Variants in CMAS observed in about 807,000 individuals in gnomAD.
CMAS encodes cytidine monophosphate N-acetylneuraminic acid synthetase.
A neutral mutation model predicts 53.4 loss-of-function variants in CMAS; 21 were observed. The observed-to-expected ratio is 0.39, with a 90% CI of 0.28 to 0.57. The LOEUF (loss-of-function observed/expected upper bound fraction) is 0.57, where lower values mean the gene tolerates loss of function less well. CMAS is among the 20% of genes least tolerant of loss of function. The pLI is 0.56. For synonymous variants in CMAS, 189 were observed against 195.2 expected (o/e 0.97, Z 0.27); for missense variants, 384 against 534.9 (o/e 0.72, Z 2.78).
At chr12:22,055,422 A>T (rs1194940659) in intron 2 of CMAS, 33 bp from the exon 3 acceptor site, 7 of 1,537,458 alleles carry the variant, frequency 4.6e-6, no homozygotes, top group Non-Finnish European at 5.2e-6. Flanking sequence ...CTTTTTTTTT[A>T]AATATCCTTT....
intron 1 of CMAS, among the ~76,000 whole-genome samples, chr12:22,048,647 T>G (rs1484633161): frequency 6.6e-6 from 1 of 152,166 alleles, no homozygotes; most frequent in Non-Finnish European, 1.5e-5. Context: ...TTTTGAGATG[T>G]AAATCTACCA....
chr12:22,050,257 C>G (rs1298618994), intron 1 of CMAS, among the ~76,000 whole-genome samples: 2 of 152,216 alleles, frequency 1.3e-5, no homozygotes, highest in Admixed American at 1.3e-4. Flanking sequence ...CATGTGTTAA[C>G]TGTGCAAACT....
At chr12:22,050,392 G>T (rs1565528975) in intron 1 of CMAS, among the ~76,000 whole-genome samples, 2 of 152,140 alleles carry the variant, frequency 1.3e-5, no homozygotes, top group South Asian at 2.1e-4. Context: ...TTAGAATAGT[G>T]CCTGGCACAT....
chr12:22,059,660 A>G (rs568358584), intron 4 of CMAS, among the ~76,000 whole-genome samples: 5 of 152,212 alleles, frequency 3.3e-5, no homozygotes, highest in Non-Finnish European at 7.3e-5. Context: ...CTTCTGGTCA[A>G]TGTGTAGGCA....
intron 3 of CMAS, among the ~76,000 whole-genome samples, chr12:22,057,642 A>G (rs1196694572): frequency 1.3e-5 from 2 of 152,138 alleles, no homozygotes; most frequent in African/African-American, 4.8e-5. Flanking sequence ...TAGGTATTTT[A>G]TGACAAATTC....
At chr12:22,049,688 G>A (rs150903165) in intron 1 of CMAS, among the ~76,000 whole-genome samples, 43 of 152,240 alleles carry the variant, frequency 2.8e-4, no homozygotes, top group African/African-American at 9.9e-4. Context: ...GAAGGCAGGC[G>A]GAGGCCAGGA....
At chr12:22,061,661 T>C (rs1409178786) in intron 6 of CMAS, among the ~76,000 whole-genome samples, 2 of 152,176 alleles carry the variant, frequency 1.3e-5, no homozygotes, top group East Asian at 1.9e-4. Flanking sequence ...TTCTTGTTTA[T>C]TCAGTAAATA....
At chr12:22,056,292 A>G (rs1263559560) in intron 3 of CMAS, among the ~76,000 whole-genome samples, 4 of 152,176 alleles carry the variant, frequency 2.6e-5, no homozygotes, top group Admixed American at 2.6e-4. Context: ...AGTCACTTAC[A>G]GTTCTGTAAT....
At position 22,046,467 on chromosome 12, in the gene CMAS, G is replaced by A; in HGVS notation, c.164G>A (p.Ser55Asn). ...GCCCTAATTCTGGCCCGGGGAGGCAGCAAAGGCATCCCCCTGAAGAACATT... is the reference window on the plus strand; with the variant it reads ...GCCCTAATTCTGGCCCGGGGAGGCAACAAAGGCATCCCCCTGAAGAACATT... Reference protein sequence around the residue: ...LAALILARGGSKGIPLKNIKH... With the variant: ...LAALILARGGNKGIPLKNIKH... Residue 55 changes from serine to asparagine, a missense_variant, in exon 1 of 8, where the codon AGC becomes AAC. Physicochemically the swap from Ser to Asn is conservative, Grantham distance 46 (BLOSUM62 1). This residue lies in a region of CMAS where 111 missense variants were observed against 132.2 expected (regional missense o/e 0.84). Transcript: ENST00000229329. 1 of 1,610,296 alleles carries A rather than the reference G, an allele frequency of 6.2e-7. No individual in the cohort carries two copies. The highest frequency in any genetic ancestry group is 8.5e-7 in the Non-Finnish European group (1 of 1,178,686).
At chr12:22,055,113 T>C in intron 1 of CMAS, 36 bp from the exon 2 acceptor site, 3 of 1,530,404 alleles carry the variant, frequency 2.0e-6, no homozygotes, top group Admixed American at 2.1e-5. Context: ...TGATTTCTTT[T>C]GATTTGGCTG....
intron 4 of CMAS, among the ~76,000 whole-genome samples, chr12:22,058,950 G>A (rs1224286809): frequency 6.6e-6 from 1 of 151,844 alleles, no homozygotes; most frequent in African/African-American, 2.4e-5. Flanking sequence ...ATCAAGTACT[G>A]GGTGTCTACA....
rs1226031961 is a variant in CMAS at position 22,055,504 on chromosome 12, T to G, written c.453T>G (p.Pro151=). ...NIQATSPCLH[P]TDLQKVAEMI... ...AAGCTACTTCTCCATGTTTACATCC[T>G]ACTGATCTTCAAAAAGTTGCAGAAA... is the stretch of plus-strand genomic sequence containing the variant. Residue 151 remains proline, a synonymous_variant, in exon 3 of 8, where the codon CCT becomes CCG. Coordinates refer to ENST00000229329, the MANE Select transcript of CMAS (RefSeq NM_018686.6). 1 of 1,612,442 alleles carries G rather than the reference T, an allele frequency of 6.2e-7. No homozygotes were observed. Among genetic ancestry groups the G allele is most frequent in the Admixed American group, 1.7e-5 (1 of 59,820 alleles).
chr12:22,053,404 T>C (rs1164479103), intron 1 of CMAS, among the ~76,000 whole-genome samples: 4 of 147,252 alleles, frequency 2.7e-5, no homozygotes, highest in African/African-American at 5.3e-5. Flanking sequence ...CACACACATA[T>C]ACACATTATA....
intron 4 of CMAS, among the ~76,000 whole-genome samples, chr12:22,060,376 T>A (rs927258320): frequency 3.4e-5 from 4 of 118,144 alleles, no homozygotes; most frequent in Non-Finnish European, 6.8e-5. Flanking sequence ...GCGTGGTGGC[T>A]GAAGCATGTC....
chr12:22,050,611 C>G (rs976057910), intron 1 of CMAS, among the ~76,000 whole-genome samples: 8 of 152,140 alleles, frequency 5.3e-5, no homozygotes, highest in African/African-American at 1.9e-4. Flanking sequence ...GGCCAGCAGA[C>G]TTTTTCTGTA....
intron 1 of CMAS, 116 bp downstream of exon 1, chr12:22,046,679 A>C: frequency 3.8e-5 from 46 of 1,209,078 alleles, no homozygotes; most frequent in Non-Finnish European, 4.5e-5. Flanking sequence ...GCCATCTCTC[A>C]TGCCAGGGAT....
chr12:22,049,236 C>T (rs962923739), intron 1 of CMAS, among the ~76,000 whole-genome samples: 1 of 152,132 alleles, frequency 6.6e-6, no homozygotes, highest in African/African-American at 2.4e-5. Flanking sequence ...GCTTCATCTT[C>T]CACTCTTGAA....
At chr12:22,047,761 TG>T (rs1565528373) in intron 1 of CMAS, among the ~76,000 whole-genome samples, 1 of 152,200 alleles carries the variant, frequency 6.6e-6, no homozygotes, top group Non-Finnish European at 1.5e-5. Flanking sequence ...CTGCTATACA[TG>T]TCCAAGGGAA....
intron 4 of CMAS, among the ~76,000 whole-genome samples, chr12:22,060,318 T>C (rs961836853): frequency 2.3e-5 from 3 of 131,488 alleles, no homozygotes; most frequent in Admixed American, 8.4e-5. Context: ...ATTTCTTTTG[T>C]GTGAGCTTTC....
Sources: allele counts gnomAD v4.1 joint callset (sites outside exome capture counted in the v4.1 genomes callset), GRCh38; gene constraint gnomAD v4.1.1; regional missense constraint gnomAD v4.1.1; transcripts MANE v1.5; gene names NCBI Gene and HGNC (gene_info 2026-07-23, HGNC 2026-07-21).